SDK1: variants seen among roughly 807,000 people sequenced by gnomAD.
SDK1 encodes the protein sidekick cell adhesion molecule 1.
SDK1 carries 157 observed loss-of-function variants against 245.5 expected under a neutral mutation model. The ratio of observed to expected loss-of-function variants is 0.64; its 90% CI spans 0.56 to 0.73. The LOEUF is 0.73. SDK1 is among the 30% of genes least tolerant of loss of function. The pLI, the probability that SDK1 is intolerant of heterozygous loss-of-function variation, is 0.00. For missense variants in SDK1, 3,583 were observed against 3,002.3 expected, an observed-to-expected ratio of 1.19 and a Z score of -4.52; for synonymous variants, 1,647 against 1,278.5, an observed-to-expected ratio of 1.29 and a Z score of -6.15.
At chr7:3,395,367 C>G (rs1002226738) in intron 1 of SDK1, among the ~76,000 whole-genome samples, 1 of 151,712 alleles carries the variant, frequency 6.6e-6, no homozygotes, top group African/African-American at 2.4e-5. Flanking sequence ...ATTTGGTTCA[C>G]TAATATTTTA....
At chr7:4,226,271 C>G (rs115486886) in intron 40 of SDK1, among the ~76,000 whole-genome samples, 1 of 152,322 alleles carries the variant, frequency 6.6e-6, no homozygotes, top group African/African-American at 2.4e-5. Flanking sequence ...ATCTGGGAGA[C>G]GGGCACTCGG....
intron 5 of SDK1, among the ~76,000 whole-genome samples, chr7:3,877,339 A>G (rs369863685): frequency 3.3e-4 from 51 of 152,326 alleles, no homozygotes; most frequent in East Asian, 2.9e-3. Flanking sequence ...TGAGGGACCA[A>G]CTGAGGTTCC....
intron 28 of SDK1, among the ~76,000 whole-genome samples, chr7:4,138,772 AAAG>A (rs1268592863): frequency 6.6e-6 from 1 of 151,140 alleles, no homozygotes; most frequent in Admixed American, 6.6e-5. Flanking sequence ...AGAGAGAAAG[AAAG>A]AAGAAGGAAG....
rs147777906 is a variant in SDK1, at chr7:4,113,330, A to G, written c.3476A>G (p.Tyr1159Cys). The G allele has an allele frequency of 2.6e-5, 42 of 1,613,894 alleles. No homozygotes were observed. The African/African-American group carries it at 4.9e-4, about 19-fold the overall frequency. Residue 1159 changes from tyrosine to cysteine, a missense_variant, in exon 24 of 45, where the codon TAC becomes TGC. Physicochemically the swap from Tyr to Cys is radical, Grantham distance 194 (BLOSUM62 -2). Coordinates refer to ENST00000404826, the MANE Select transcript of SDK1 (RefSeq NM_152744.4). ...GTGAACATTGTTGGGCCGAGCCCCT[A>G]CAGTCCGTCTTCCCGGGTCATCCAG... ...KQVNIVGPSP[Y>C]SPSSRVIQTL...
At chr7:3,665,518 G>A (rs1312332934) in intron 4 of SDK1, among the ~76,000 whole-genome samples, 1 of 152,146 alleles carries the variant, frequency 6.6e-6, no homozygotes, top group Non-Finnish European at 1.5e-5. Context: ...CACACATATT[G>A]ATGTTCAAGA....
chr7:3,564,979 T>A (rs979726098), intron 1 of SDK1, among the ~76,000 whole-genome samples: 6 of 151,866 alleles, frequency 4.0e-5, no homozygotes, highest in African/African-American at 1.5e-4. Context: ...GAAGGAGATA[T>A]AATATAGGGG....
intron 1 of SDK1, among the ~76,000 whole-genome samples, chr7:3,330,139 T>C (rs1232146778): frequency 1.3e-5 from 2 of 152,212 alleles, no homozygotes; most frequent in Non-Finnish European, 2.9e-5. Context: ...CTTTCTGGTG[T>C]CTGTGAATAA....
chr7:3,905,406 A>G lies in SDK1; in HGVS notation c.848-45517A>G, dbSNP rs546977186. ...TAGGTTGATATTTCACTTTCTTTCA[A>G]TCCTTTGACACTTTTGTTACATTTT... On this transcript the variant is annotated intron_variant, in intron 5 of 44. Coordinates refer to ENST00000404826, the MANE Select transcript of SDK1 (RefSeq NM_152744.4). Among the ~76,000 whole-genome samples, 3 of 152,150 alleles carry G rather than the reference A, an allele frequency of 2.0e-5. No individual in the cohort carries two copies. The East Asian group carries it at 5.8e-4, about 29-fold the overall frequency.
chr7:3,565,786 G>C (rs1264409383), intron 1 of SDK1, among the ~76,000 whole-genome samples: 2 of 152,158 alleles, frequency 1.3e-5, no homozygotes, highest in African/African-American at 4.8e-5. Flanking sequence ...TTAAGTAGTT[G>C]TTATATTGTT....
At chr7:3,453,862 A>AT (rs906125655) in intron 1 of SDK1, among the ~76,000 whole-genome samples, 5 of 151,774 alleles carry the variant, frequency 3.3e-5, no homozygotes, top group South Asian at 2.1e-4. Context: ...CCTTGGCAGT[A>AT]TTTTTTTTAA....
chr7:4,160,958 C>G (rs1781074167), intron 31 of SDK1, among the ~76,000 whole-genome samples: 1 of 152,202 alleles, frequency 6.6e-6, no homozygotes, highest in Non-Finnish European at 1.5e-5. Flanking sequence ...GCTAGATGCA[C>G]AAGTGTGCCT....
chr7:3,727,235 A>C (rs191528124), intron 4 of SDK1, among the ~76,000 whole-genome samples: 10 of 152,354 alleles, frequency 6.6e-5, no homozygotes, highest in African/African-American at 2.4e-4. Flanking sequence ...TGTTACTTTT[A>C]GTTTAAAAAA....
intron 5 of SDK1, among the ~76,000 whole-genome samples, chr7:3,913,334 C>T (rs986785981): frequency 7.3e-5 from 11 of 149,686 alleles, no homozygotes; most frequent in Non-Finnish European, 1.0e-4. Flanking sequence ...CGCTCTGTCA[C>T]CCAGGCTGGA....
Position 3,358,004 on chromosome 7 carries a change from C to G in SDK1, c.298+56120C>G, listed in dbSNP as rs148313246. Among the ~76,000 whole-genome samples, 194 of 151,968 alleles carry G rather than the reference C, an allele frequency of 1.3e-3. 1 individual carries two copies. The highest frequency in any genetic ancestry group is 4.5e-3 in the African/African-American group (186 of 41,438). ...TTCATAGATTGACATATAAGCTATT[C>G]CCAGTCATTTTCTTTTTTTCTTTTT... On this transcript the variant is annotated intron_variant, in intron 1 of 44. Coordinates refer to ENST00000404826, the MANE Select transcript of SDK1 (RefSeq NM_152744.4).
In SDK1 at chr7:4,129,904, A is replaced by C. The variant is rs1191119778; in HGVS notation, c.3940-4A>C. On this transcript the variant is annotated splice_polypyrimidine_tract_variant and splice_region_variant and intron_variant, in intron 26 of 44. Transcript: ENST00000404826. ...ATAACCCTCGTGCTGTGTCGATACC[A>C]CAGATCCTGTTCCGGGCCAAAGACC... 6.2e-7 allele frequency: 1 copy of C among 1,613,316 alleles called. No homozygotes were observed. Among genetic ancestry groups the C allele is most frequent in the African/African-American group, 1.3e-5 (1 of 74,914 alleles).
intron 28 of SDK1, among the ~76,000 whole-genome samples, chr7:4,144,637 CAGAGACCTG>C (rs1474988688): frequency 2.0e-5 from 3 of 152,064 alleles, no homozygotes; most frequent in Non-Finnish European, 4.4e-5. Context: ...GTTCATGAAC[CAGAGACCTG>C]AGAGCAGGAA....
intron 38 of SDK1, among the ~76,000 whole-genome samples, chr7:4,219,344 T>C (rs1785009062): frequency 6.6e-6 from 1 of 152,138 alleles, no homozygotes; most frequent in African/African-American, 2.4e-5. Context: ...AATAAAGACA[T>C]ACTTGAGACT....
intron 28 of SDK1, among the ~76,000 whole-genome samples, chr7:4,139,737 A>ATG (rs753347309): frequency 0.026 from 1,613 of 63,028 alleles, 77 homozygotes; most frequent in African/African-American, 0.063. Flanking sequence ...GTGTGTGTGT[A>ATG]TGTGTGTGTG....
chr7:3,417,954 A>G (rs1442847886), intron 1 of SDK1, among the ~76,000 whole-genome samples: 1 of 152,020 alleles, frequency 6.6e-6, no homozygotes, highest in African/African-American at 2.4e-5. Flanking sequence ...TTAATTACTC[A>G]TTTACGCAAC....
Sources: allele counts gnomAD v4.1 joint callset (sites outside exome capture counted in the v4.1 genomes callset), GRCh38; gene constraint gnomAD v4.1.1; transcripts MANE v1.5; gene names NCBI Gene and HGNC (gene_info 2026-07-23, HGNC 2026-07-21).